Variants in FLNA observed in about 807,000 individuals in gnomAD.
The protein encoded by FLNA is filamin-A.
FLNA carries 7 observed loss-of-function variants against 157.6 expected under a neutral mutation model. That is an observed-to-expected ratio of 0.04 (90% CI 0.03 to 0.08). The LOEUF is 0.08. Ranked by LOEUF, FLNA falls within the 10% of genes least tolerant of loss-of-function variation. The pLI, the probability that FLNA is intolerant of heterozygous loss-of-function variation, is 1.00. For missense variants in FLNA, 1,750 were observed against 2,398.4 expected (o/e 0.73, Z 5.65); for synonymous variants, 1,103 against 1,060.8 (o/e 1.04, Z -0.77).
rs2067735226 is a variant in FLNA at position 154,364,050 on chromosome X, C to T, written c.2252G>A (p.Gly751Asp). The T allele has an allele frequency of 1.7e-6, 2 of 1,211,386 alleles. No individual in the cohort carries two copies. Among genetic ancestry groups the T allele is most frequent in the South Asian group, 3.5e-5 (2 of 57,030 alleles). The change falls in exon 15 of 48, where the codon GGC becomes GAC. Residue 751 changes from glycine to aspartate, a missense_variant. Around this residue, in one of 5 missense-constraint regions of FLNA, gnomAD observed 648 missense variants for 805.8 expected, o/e 0.80. Coordinates refer to ENST00000369850, the MANE Select transcript of FLNA (RefSeq NM_001110556.2). Reference protein sequence around the residue: ...VKHTAMVSWGGVSIPNSPFRV... With the variant: ...VKHTAMVSWGDVSIPNSPFRV... ...GAAGGGGCTGTTGGGGATGCTGACGCCTCCCCAGGACACCATGGCTGTGTG... is the reference window on the plus strand; with the variant it reads ...GAAGGGGCTGTTGGGGATGCTGACGTCTCCCCAGGACACCATGGCTGTGTG...
Position 154,361,807 on chromosome X carries a change from G to GGGTCCAGTAGGC in FLNA, c.2827-21_2827-20insGCCTACTGGACC. 2 of 1,155,097 alleles carry GGGTCCAGTAGGC rather than the reference G, an allele frequency of 1.7e-6. No individual in the cohort carries two copies. The highest frequency in any genetic ancestry group is 2.4e-6 in the Non-Finnish European group (2 of 844,758). Reference sequence around the variant, plus strand: ...TGGACCCTGGGAAGGGTGCAGAAGGGAAGGGGGTATTTAGAGACACCAGAA... The same window carrying GGGTCCAGTAGGC: ...TGGACCCTGGGAAGGGTGCAGAAGGGGGTCCAGTAGGCAAGGGGGTATTTAGAGACACCAGAA... On this transcript the variant is annotated intron_variant, in intron 19 of 47. Transcript: ENST00000369850.
At position 154,348,716 on chromosome X, in the gene FLNA, G is replaced by A. The variant is rs1280393386; in HGVS notation, c.*133C>T. 1.1e-5 allele frequency: 6 copies of A among 570,115 alleles called. No individual in the cohort carries two copies. The highest frequency in any genetic ancestry group is 7.0e-5 in the African/African-American group (3 of 42,679). 47.0% of individuals were successfully genotyped at this position (570,115 alleles called of 1,213,427 possible). A position where few individuals can be genotyped will look rare whatever the true frequency, so the allele number is the denominator to read the frequency against. On this transcript the variant is annotated 3_prime_UTR_variant, in exon 48 of 48. Coordinates refer to ENST00000369850, the MANE Select transcript of FLNA (RefSeq NM_001110556.2). ...CTGGGGAGGCAGGTGAGCGCAGCACGGCACAGGGCAGGGGCGGCTGCAGTG... is the reference window on the plus strand; with the variant it reads ...CTGGGGAGGCAGGTGAGCGCAGCACAGCACAGGGCAGGGGCGGCTGCAGTG...
chrX:154,354,777 C>T (rs368077797), intron 31 of FLNA, 48 bp downstream of exon 31: 44 of 1,209,573 alleles, frequency 3.6e-5, no homozygotes, highest in Middle Eastern at 4.6e-4. Context: ...GGGAACAGGC[C>T]GGGACCTGCC....
rs1557180247 is a variant in FLNA, at chrX:154,371,188, C to T, written c.58G>A (p.Gly20Ser). 1.7e-6 allele frequency: 2 copies of T among 1,195,326 alleles called. No individual in the cohort carries two copies. The highest frequency in any genetic ancestry group is 2.3e-6 in the Non-Finnish European group (2 of 887,948). Residue 20 changes from glycine to serine, a missense_variant, in exon 2 of 48, where the codon GGC becomes AGC. Transcript: ENST00000369850. Reference sequence around the variant, plus strand: ...ATCTCGGCGTCCCGCGTGTCGACGCCGCCGCCCGGAGCCGCGCCTGCTGCG... The same window carrying T: ...ATCTCGGCGTCCCGCGTGTCGACGCTGCCGCCCGGAGCCGCGCCTGCTGCG... ...QSAAGAAPGGGVDTRDAEMPA... is the reference protein window; with the variant it reads ...QSAAGAAPGGSVDTRDAEMPA...
Position 154,371,201 on chromosome X carries a change from C to A in FLNA, c.45G>T (p.Ala15=). Residue 15 remains alanine (A), a synonymous_variant, in exon 2 of 48, where the codon GCG becomes GCT. Coordinates refer to ENST00000369850, the MANE Select transcript of FLNA (RefSeq NM_001110556.2). The part of the protein sequence containing the change: ...HSRAGQSAAG[A]APGGGVDTRD... ...GCGTGTCGACGCCGCCGCCCGGAGC[C>A]GCGCCTGCTGCGCTCTGGCCCGCCC... 8.4e-7 allele frequency: 1 copy of A among 1,197,197 alleles called. No individual in the cohort carries two copies. The highest frequency in any genetic ancestry group is 1.1e-6 in the Non-Finnish European group (1 of 888,886).
intron 42 of FLNA, 47 bp from the exon 43 acceptor site, chrX:154,351,743 C>T: frequency 9.0e-7 from 1 of 1,108,442 alleles, no homozygotes; most frequent in East Asian, 3.0e-5. Context: ...CTTTGGGCCT[C>T]CCACCTCCCA....
rs1306841450 is a variant in FLNA at position 154,360,376 on chromosome X, A to T, written c.3419T>A (p.Phe1140Tyr). ...EPGDYNINIL[F>Y]ADTHIPGSPF... The stretch of plus-strand genomic sequence containing the variant: ...GGAGCCAGGGATGTGGGTGTCAGCG[A>T]AGAGGATGTTGATGTTGTAGTCCCC... The change falls in exon 22 of 48, where the codon TTC (phenylalanine) becomes TAC (tyrosine). Residue 1140 changes from phenylalanine to tyrosine, a missense_variant. Coordinates refer to ENST00000369850, the MANE Select transcript of FLNA (RefSeq NM_001110556.2). 4.1e-6 allele frequency: 5 copies of T among 1,211,411 alleles called. No individual in the cohort carries two copies. The highest frequency in any genetic ancestry group is 5.6e-6 in the Non-Finnish European group (5 of 895,536).
At chrX:154,364,397 AG>A (rs1557178701) in intron 13 of FLNA, 25 bp from the exon 14 acceptor site, 2 of 1,197,236 alleles carry the variant, frequency 1.7e-6, no homozygotes, top group Admixed American at 4.4e-5. Context: ...CCCAGCTGTC[AG>A]GGGGCCAGGT....
chrX:154,359,423 G>A lies in FLNA; in HGVS notation c.4143-17C>T. 6 of 1,211,735 alleles carry A rather than the reference G, an allele frequency of 5.0e-6. No homozygotes were observed. The highest frequency in any genetic ancestry group is 6.7e-6 in the Non-Finnish European group (6 of 895,623). The stretch of plus-strand genomic sequence containing the variant: ...CCAGCTCCCCTGGTCCAAACAGACA[G>A]CCGGTCATTCCTGGGGTTCCCAGGC... On this transcript the variant is annotated splice_polypyrimidine_tract_variant and intron_variant, in intron 24 of 47. Coordinates refer to ENST00000369850, the MANE Select transcript of FLNA (RefSeq NM_001110556.2).
chrX:154,353,423 G>A lies in FLNA; in HGVS notation c.5895C>T (p.Val1965=), dbSNP rs782692576. The A allele has an allele frequency of 1.3e-5, 16 of 1,210,432 alleles. No individual in the cohort carries two copies. The highest frequency in any genetic ancestry group is 1.2e-4 in the East Asian group (4 of 33,809). The change falls in exon 37 of 48, where the codon GTC becomes GTT. Residue 1965 remains valine (V), a synonymous_variant. Coordinates refer to ENST00000369850, the MANE Select transcript of FLNA (RefSeq NM_001110556.2). Reference sequence around the variant, plus strand: ...TGATGGGGATGTCGGCAGCAGAGCCGACCTTTAGGTGGGACATACGCATGG... The same window carrying A: ...TGATGGGGATGTCGGCAGCAGAGCCAACCTTTAGGTGGGACATACGCATGG... ...DDSMRMSHLK[V]GSAADIPINI... is the part of the protein sequence containing the mutation.
At chrX:154,350,599 G>A (rs1044242689) in intron 44 of FLNA, 2 of 383,518 alleles carry the variant, frequency 5.2e-6, no homozygotes, top group Middle Eastern at 7.4e-4. Context: ...CTACCCACAA[G>A]GCTGCCCCAG....
chrX:154,358,169 CT>C lies in FLNA; in HGVS notation c.4755+29del, dbSNP rs781801861. 957 of 1,204,940 alleles carry C rather than the reference CT, an allele frequency of 7.9e-4. 1 individual carries two copies. The highest frequency in any genetic ancestry group is 9.2e-4 in the Non-Finnish European group (824 of 892,428). On this transcript the variant is annotated intron_variant, in intron 28 of 47. Coordinates refer to ENST00000369850, the MANE Select transcript of FLNA (RefSeq NM_001110556.2). ...CCACACTCCAGCCGCCCAGGCCCCC[CT>C]GCCTCCCCTGCCTGTGCCCGGAGCT...
intron 21 of FLNA, 35 bp from the exon 22 acceptor site, chrX:154,360,622 C>G (rs1462928694): frequency 4.4e-6 from 5 of 1,127,366 alleles, no homozygotes; most frequent in Non-Finnish European, 6.0e-6. Flanking sequence ...CAAGGCCACA[C>G]TATGCCCCGA....
rs782226362 is a variant in FLNA at position 154,355,862 on chromosome X, G to T, written c.4970-790C>A. Among the ~76,000 whole-genome samples the T allele has an allele frequency of 3.5e-5, 4 of 112,925 alleles. No homozygotes were observed. In the South Asian group the frequency reaches 1.4e-3, roughly 40 times the overall value. On this transcript the variant is annotated intron_variant, in intron 30 of 47. Transcript: ENST00000369850. The stretch of plus-strand genomic sequence containing the variant: ...GGTCTCCGCCGTGGAGGCTTGGGGG[G>T]CTGTGGGCTGTGAGGCCTGGCAGTG...
At position 154,364,638 on chromosome X, in the gene FLNA, G is replaced by A. The variant is rs267606815; in HGVS notation, c.1910C>T (p.Pro637Leu). The change falls in exon 13 of 48, where the codon CCG (proline) becomes CTG (leucine). Residue 637 changes from proline (P) to leucine (L), a missense_variant. By Grantham distance (98) the Pro-to-Leu change is moderately conservative. Transcript: ENST00000369850. Reference sequence around the variant, plus strand: ...AACGGCATACTCGCCAGCCTCCTGCGGCCAGTAGCGCACATCACAGGAGCC... The same window carrying A: ...AACGGCATACTCGCCAGCCTCCTGCAGCCAGTAGCGCACATCACAGGAGCC... ...GDGSCDVRYW[P>L]QEAGEYAVHV... 3.3e-6 allele frequency: 4 copies of A among 1,210,710 alleles called. No homozygotes were observed. Among genetic ancestry groups the A allele is most frequent in the South Asian group, 3.5e-5 (2 of 56,948 alleles).
chrX:154,351,520 G>A lies in FLNA; in HGVS notation c.7023+61C>T, dbSNP rs181442027. The A allele has an allele frequency of 6.9e-5, 54 of 779,620 alleles. 1 individual carries two copies. In the East Asian group the frequency reaches 1.6e-3, roughly 23 times the overall value. 64.2% of individuals were successfully genotyped at this position (779,620 alleles called of 1,213,427 possible). On this transcript the variant is annotated intron_variant, in intron 43 of 47. Transcript: ENST00000369850. ...CACAGGGCCAAGGCCTGGTCTCTGC[G>A]GTGGCTCTGGTCTGTCCGGGCCCAG... is the stretch of plus-strand genomic sequence containing the variant.
chrX:154,354,950 C>T lies in FLNA; in HGVS notation c.5092G>A (p.Val1698Met). 8.2e-7 allele frequency: 1 copy of T among 1,212,409 alleles called. No homozygotes were observed. The highest frequency in any genetic ancestry group is 1.7e-5 in the African/African-American group (1 of 58,100). ...VCTPDGSEVD[V>M]DVVENEDGTF... Reference sequence around the variant, plus strand: ...CCGTCCTCATTCTCCACCACGTCCACATCCACCTCTGAGCCATCAGGCGTG... The same window carrying T: ...CCGTCCTCATTCTCCACCACGTCCATATCCACCTCTGAGCCATCAGGCGTG... The change falls in exon 31 of 48, where the codon GTG becomes ATG. Residue 1698 changes from valine (V) to methionine (M), a missense_variant. By Grantham distance (21) the Val-to-Met change is conservative. This residue lies in a region of FLNA where 970 missense variants were observed against 1,302.6 expected (regional missense o/e 0.74). Coordinates refer to ENST00000369850, the MANE Select transcript of FLNA (RefSeq NM_001110556.2).
In FLNA at chrX:154,352,693, G is replaced by A. The variant is rs994764879; in HGVS notation, c.6380-18C>T. 4 of 1,210,877 alleles carry A rather than the reference G, an allele frequency of 3.3e-6. No homozygotes were observed. Among genetic ancestry groups the A allele is most frequent in the Admixed American group, 2.2e-5 (1 of 46,045 alleles). On this transcript the variant is annotated intron_variant, in intron 39 of 47. Coordinates refer to ENST00000369850, the MANE Select transcript of FLNA (RefSeq NM_001110556.2). ...GGGGCTGCCTGCAGGAAGAAAGCAC[G>A]GCCCACGCCCCTCCAGTCACATACT...
In FLNA at chrX:154,354,223, T is replaced by A. The variant is rs782216086; in HGVS notation, c.5485A>T (p.Thr1829Ser). ...TITDNKDGTV[T>S]VRYAPSEAGL... ...GCCTCGCTGGGTGCATACCGCACGGTCACGGTGCCGTCTTTGTTGTCAGTG... is the reference window on the plus strand; with the variant it reads ...GCCTCGCTGGGTGCATACCGCACGGACACGGTGCCGTCTTTGTTGTCAGTG... The change falls in exon 34 of 48, where the codon ACC (threonine) becomes TCC (serine). Residue 1829 changes from threonine (T) to serine (S), a missense_variant. Physicochemically the swap from Thr to Ser is moderately conservative, Grantham distance 58. Around this residue, in one of 5 missense-constraint regions of FLNA, gnomAD observed 970 missense variants for 1,302.6 expected, o/e 0.74. Transcript: ENST00000369850. 8.3e-7 allele frequency: 1 copy of A among 1,211,644 alleles called. No homozygotes were observed.
Sources: allele counts gnomAD v4.1 joint callset (sites outside exome capture counted in the v4.1 genomes callset), GRCh38; gene constraint gnomAD v4.1.1; regional missense constraint gnomAD v4.1.1; transcripts MANE v1.5; gene names NCBI Gene and HGNC (gene_info 2026-07-23, HGNC 2026-07-21).